Variants in BCOR observed in about 807,000 individuals in gnomAD.
BCOR encodes the protein BCL6 corepressor, also known as BCL-6 corepressor.
A neutral mutation model predicts 86.7 loss-of-function variants in BCOR; 10 were observed. That is an observed-to-expected ratio of 0.12 (90% CI 0.07 to 0.20). The LOEUF (loss-of-function observed/expected upper bound fraction) is 0.20, where lower values mean the gene tolerates loss of function less well. BCOR is among the 10% of genes least tolerant of loss of function. BCOR has a pLI of 1.00. For synonymous variants in BCOR, 611 were observed against 609.0 expected, an observed-to-expected ratio of 1.00 and a Z score of -0.05; for missense variants, 1,259 against 1,452.1, an observed-to-expected ratio of 0.87 and a Z score of 2.16.
chrX:40,087,195 T>G (rs1164571083), intron 1 of BCOR, among the ~76,000 whole-genome samples: 1 of 113,255 alleles, frequency 8.8e-6, no homozygotes, highest in Non-Finnish European at 1.9e-5. Flanking sequence ...CTGTGCTTTC[T>G]GCAGCCCTCA....
At chrX:40,058,147 T>C (rs5963726) in intron 10 of BCOR, among the ~76,000 whole-genome samples, 24,807 of 112,076 alleles carry the variant, frequency 0.22, 2,341 homozygotes, top group African/African-American at 0.33. Context: ...CTTTGCAGAA[T>C]GTGTTCCGCA....
intron 1 of BCOR, among the ~76,000 whole-genome samples, chrX:40,167,252 T>C (rs1183522923): frequency 1.8e-5 from 2 of 112,766 alleles, no homozygotes; most frequent in Non-Finnish European, 3.7e-5. Context: ...AGCCAGGTAT[T>C]GTTTCCCATA....
intron 7 of BCOR, 53 bp downstream of exon 7, chrX:40,064,283 G>A (rs1170598890): frequency 5.8e-6 from 7 of 1,207,364 alleles, no homozygotes; most frequent in Non-Finnish European, 7.8e-6. Flanking sequence ...ATCCACTGTG[G>A]CCGCATGCAA....
At chrX:40,164,722 C>G (rs1386084671) in intron 1 of BCOR, among the ~76,000 whole-genome samples, 1 of 112,025 alleles carries the variant, frequency 8.9e-6, no homozygotes, top group African/African-American at 3.2e-5. Context: ...TCTTGCCTCT[C>G]CTGGAGGGTG....
chrX:40,064,647 AT>A, intron 6 of BCOR, 48 bp from the exon 7 acceptor site: 4 of 1,197,248 alleles, frequency 3.3e-6, no homozygotes, highest in Non-Finnish European at 4.5e-6. Context: ...GAAGGTCGCC[AT>A]GAGAAGGCAG....
chrX:40,110,897 G>A lies in BCOR; in HGVS notation c.-40-32928C>T, dbSNP rs764710804. 2.8e-5 allele frequency among the ~76,000 whole-genome samples: 3 copies of A among 107,865 alleles called. No individual in the cohort carries two copies. The South Asian group carries it at 1.2e-3, about 44-fold the overall frequency. 93.7% of individuals were successfully genotyped at this position (107,865 alleles called of 115,157 possible). A position where few individuals can be genotyped will look rare whatever the true frequency, so the allele number is the denominator to read the frequency against. On this transcript the variant is annotated intron_variant, in intron 1 of 14. Transcript: ENST00000342274. Reference sequence around the variant, plus strand: ...AGCTAATGTTTTTGTATTTCTAGTAGAGACGGGGTTTCACCATGTTGGTCA... The same window carrying A: ...AGCTAATGTTTTTGTATTTCTAGTAAAGACGGGGTTTCACCATGTTGGTCA...
At chrX:40,122,781 G>T (rs1937506059) in intron 1 of BCOR, among the ~76,000 whole-genome samples, 1 of 111,316 alleles carries the variant, frequency 9.0e-6, no homozygotes, top group Non-Finnish European at 1.9e-5. Context: ...CTGGGGCTTA[G>T]ATCTCTCCCC....
intron 10 of BCOR, among the ~76,000 whole-genome samples, chrX:40,058,981 T>C (rs1295971068): frequency 8.9e-6 from 1 of 112,148 alleles, no homozygotes; most frequent in Admixed American, 9.4e-5. Flanking sequence ...CCGACTGCTG[T>C]GCACAGATCA....
chrX:40,139,703 C>T (rs1314334990), intron 1 of BCOR, among the ~76,000 whole-genome samples: 2 of 100,119 alleles, frequency 2.0e-5, no homozygotes, highest in Non-Finnish European at 2.0e-5. Flanking sequence ...CCCAGCTACT[C>T]GGAAGGCTGA....
At chrX:40,145,341 G>A (rs1421402679) in intron 1 of BCOR, among the ~76,000 whole-genome samples, 3 of 111,995 alleles carry the variant, frequency 2.7e-5, no homozygotes, top group African/African-American at 9.7e-5. Flanking sequence ...CGCCCCGCTA[G>A]GGAGTGGCCG....
intron 8 of BCOR, 144 bp downstream of exon 8, chrX:40,063,464 A>G: frequency 1.9e-6 from 1 of 527,954 alleles, no homozygotes; most frequent in East Asian, 3.3e-5. Context: ...AAGGACATCA[A>G]GAGAGAACTC....
intron 1 of BCOR, among the ~76,000 whole-genome samples, chrX:40,168,852 T>C (rs1938560408): frequency 1.8e-5 from 2 of 113,305 alleles, no homozygotes; most frequent in African/African-American, 6.4e-5. Context: ...ATGCAAATTA[T>C]TTATGGGCTG....
chrX:40,166,070 G>A (rs1273012693), intron 1 of BCOR, among the ~76,000 whole-genome samples: 2 of 112,542 alleles, frequency 1.8e-5, no homozygotes, highest in East Asian at 2.8e-4. Flanking sequence ...TAAGGAAACT[G>A]AGGCTCAGAT....
chrX:40,109,134 G>T (rs1204768938), intron 1 of BCOR, among the ~76,000 whole-genome samples: 1 of 112,164 alleles, frequency 8.9e-6, no homozygotes, highest in Non-Finnish European at 1.9e-5. Context: ...GGCGAACCCG[G>T]GCTGCGCGCC....
At chrX:40,068,909 G>A (rs763050761) in intron 6 of BCOR, among the ~76,000 whole-genome samples, 2 of 113,196 alleles carry the variant, frequency 1.8e-5, no homozygotes, top group East Asian at 5.6e-4. Context: ...CCGCACAGGC[G>A]GCACCTGCCA....
chrX:40,149,520 C>T (rs190757904), intron 1 of BCOR, among the ~76,000 whole-genome samples: 59 of 111,169 alleles, frequency 5.3e-4, no homozygotes, highest in African/African-American at 1.8e-3. Context: ...TGCTTAACTG[C>T]GCCATTCCCA....
intron 1 of BCOR, among the ~76,000 whole-genome samples, chrX:40,109,095 C>T (rs1044251585): frequency 3.6e-5 from 4 of 112,101 alleles, no homozygotes; most frequent in Non-Finnish European, 5.7e-5. Flanking sequence ...GGGAGGGCGG[C>T]GGGGAGGAGG....
intron 1 of BCOR, among the ~76,000 whole-genome samples, chrX:40,080,999 A>G (rs1434651867): frequency 9.0e-6 from 1 of 110,770 alleles, no homozygotes; most frequent in Non-Finnish European, 1.9e-5. Flanking sequence ...GCACACACAC[A>G]CACACTTATA....
At chrX:40,101,713 G>A (rs188192124), upstream of BCOR, among the ~76,000 whole-genome samples, 5 of 112,510 alleles carry the variant, frequency 4.4e-5, no homozygotes, top group African/African-American at 9.7e-5. Context: ...TGTTTGGGGG[G>A]ACCCTGGCCT....
Sources: allele counts gnomAD v4.1 joint callset (sites outside exome capture counted in the v4.1 genomes callset), GRCh38; gene constraint gnomAD v4.1.1; transcripts MANE v1.5; gene names NCBI Gene and HGNC (gene_info 2026-07-23, HGNC 2026-07-21).